Variants in TMEM131 observed in about 807,000 individuals in gnomAD.
TMEM131 encodes 2610524E03Rik.
A neutral mutation model predicts 211.6 loss-of-function variants in TMEM131; 66 were observed. That is an observed-to-expected ratio of 0.31 (90% CI 0.26 to 0.38). The LOEUF is 0.38. Among genes scored for constraint, TMEM131 ranks in the 10% least tolerant of loss-of-function variants. The pLI is 1.00. For synonymous variants in TMEM131, 844 were observed against 841.3 expected (o/e 1.00, Z -0.06); for missense variants, 2,036 against 2,299.3 (o/e 0.89, Z 2.34).
Position 97,782,314 on chromosome 2 carries a change from C to A in TMEM131, c.4145-6296G>T, listed in dbSNP as rs529844746. Among the ~76,000 whole-genome samples the A allele has an allele frequency of 2.6e-5, 4 of 152,340 alleles. No homozygotes were observed. In the East Asian group the frequency reaches 7.7e-4, roughly 29 times the overall value. On this transcript the variant is annotated intron_variant, in intron 31 of 40. Coordinates refer to ENST00000186436, the MANE Select transcript of TMEM131 (RefSeq NM_015348.2). ...CAGGAAACCAGCACTTCTAACTCCACCTGGCAATAAAAAGGTGGCACAACC... is the reference window on the plus strand; with the variant it reads ...CAGGAAACCAGCACTTCTAACTCCAACTGGCAATAAAAAGGTGGCACAACC...
chr2:97,940,763 C>T (rs554854680), intron 1 of TMEM131, among the ~76,000 whole-genome samples: 15 of 149,206 alleles, frequency 1.0e-4, no homozygotes, highest in African/African-American at 2.7e-4. Context: ...GAGCCAAGAT[C>T]GTGGCACTGC....
At chr2:97,926,655 C>T (rs904419439) in intron 2 of TMEM131, among the ~76,000 whole-genome samples, 1 of 152,176 alleles carries the variant, frequency 6.6e-6, no homozygotes, top group African/African-American at 2.4e-5. Context: ...ACCCAAGCTC[C>T]TGTCCAAGCA....
chr2:97,915,223 C>T (rs1676461738), intron 2 of TMEM131, among the ~76,000 whole-genome samples: 1 of 152,140 alleles, frequency 6.6e-6, no homozygotes, highest in African/African-American at 2.4e-5. Flanking sequence ...TTCTATATTC[C>T]AGAAACTAGG....
intron 1 of TMEM131, among the ~76,000 whole-genome samples, chr2:97,942,224 G>A (rs1677765371): frequency 2.7e-5 from 4 of 150,294 alleles, no homozygotes; most frequent in Admixed American, 6.7e-5. Flanking sequence ...CTATCACAAG[G>A]ACAGAAAACC....
intron 4 of TMEM131, among the ~76,000 whole-genome samples, chr2:97,866,287 C>T (rs1045824714): frequency 2.6e-5 from 4 of 152,200 alleles, no homozygotes; most frequent in South Asian, 2.1e-4. Context: ...TGGGTCTTTC[C>T]GGAAATCTGT....
intron 2 of TMEM131, among the ~76,000 whole-genome samples, chr2:97,922,557 T>G (rs1010980708): frequency 6.6e-6 from 1 of 151,996 alleles, no homozygotes; most frequent in Non-Finnish European, 1.5e-5. Context: ...GTAACTACAG[T>G]TACACTCAAC....
intron 11 of TMEM131, chr2:97,827,132 G>A (rs1363067628): frequency 2.1e-6 from 1 of 477,726 alleles, no homozygotes; most frequent in Non-Finnish European, 3.8e-6. Flanking sequence ...ACAAAAGTTT[G>A]CTAAAAGTTA....
intron 2 of TMEM131, among the ~76,000 whole-genome samples, chr2:97,911,227 A>G (rs1676278849): frequency 6.6e-6 from 1 of 152,208 alleles, no homozygotes; most frequent in African/African-American, 2.4e-5. Flanking sequence ...CCATTTATAT[A>G]AAGTGTTTTA....
chr2:97,760,816 G>A lies in TMEM131; in HGVS notation c.4988C>T (p.Thr1663Met), dbSNP rs747091218. ...ACCTGGGCTCTTGTCGTAGCCAGCC[G>A]TGACTGCAGCAAAAGTGGGGTTGCC... is the stretch of plus-strand genomic sequence containing the variant. The part of the protein sequence containing the change: ...KNGNPTFAAV[T>M]AGYDKSPGGN... Residue 1663 changes from threonine to methionine, a missense_variant, in exon 37 of 41, where the codon ACG (threonine) becomes ATG (methionine). Thr to Met is a moderately conservative substitution (Grantham distance 81). This residue lies in a region of TMEM131 where 1,623 missense variants were observed against 1,805.9 expected (regional missense o/e 0.90). Transcript: ENST00000186436. 9 of 1,613,948 alleles carry A rather than the reference G, an allele frequency of 5.6e-6. No individual in the cohort carries two copies. The highest frequency in any genetic ancestry group is 5.0e-5 in the Admixed American group (3 of 60,012).
chr2:97,857,832 T>C (rs1035803293), intron 5 of TMEM131, among the ~76,000 whole-genome samples: 1 of 152,224 alleles, frequency 6.6e-6, no homozygotes, highest in African/African-American at 2.4e-5. Context: ...CACAGGTCTC[T>C]CACAGCATTA....
At chr2:97,801,207 T>C (rs972589304) in intron 25 of TMEM131, among the ~76,000 whole-genome samples, 1 of 152,182 alleles carries the variant, frequency 6.6e-6, no homozygotes, top group African/African-American at 2.4e-5. Context: ...GAGAACCAGA[T>C]TTGAATTTGG....
At chr2:97,978,303 G>A (rs1401771791) in intron 1 of TMEM131, among the ~76,000 whole-genome samples, 1 of 152,094 alleles carries the variant, frequency 6.6e-6, no homozygotes, top group Non-Finnish European at 1.5e-5. Flanking sequence ...TTTCAACAAT[G>A]TTCACAGCAT....
In TMEM131 at chr2:97,772,424, C is replaced by T. The variant is rs1679511100; in HGVS notation, c.4321G>A (p.Asp1441Asn). ...NPDTEPLLKE[D>N]TEKQKGKQAM... ...TGTTTTCCCTTTTGCTTTTCTGTAT[C>T]CTGTAAAAAATGGACACTTAATTGC... Residue 1441 changes from aspartate (D) to asparagine (N), a missense_variant and splice_region_variant, in exon 33 of 41, where the codon GAT (aspartate) becomes AAT (asparagine). Physicochemically the swap from Asp to Asn is conservative, Grantham distance 23. Coordinates refer to ENST00000186436, the MANE Select transcript of TMEM131 (RefSeq NM_015348.2). The T allele has an allele frequency of 6.2e-7, 1 of 1,610,062 alleles. No individual in the cohort carries two copies. The highest frequency in any genetic ancestry group is 1.1e-5 in the South Asian group (1 of 89,762).
chr2:97,903,601 C>A, intron 3 of TMEM131, among the ~76,000 whole-genome samples: 1 of 152,130 alleles, frequency 6.6e-6, no homozygotes. Flanking sequence ...GGGAGAGACA[C>A]AAACTTCAGT....
Position 97,995,830 on chromosome 2 carries a change from G to C in TMEM131, c.-168C>G. 6.5e-6 allele frequency: 2 copies of C among 308,432 alleles called. No homozygotes were observed. Among genetic ancestry groups the C allele is most frequent in the Non-Finnish European group, 1.1e-5 (2 of 181,454 alleles). 19.1% of individuals were successfully genotyped at this position (308,432 alleles called of 1,614,324 possible). Reference sequence around the variant, plus strand: ...CGTGGGCCTGGGTCCGTGCGTGCGTGTGAGCGAGAGTGTCAGTCACGGTCT... The same window carrying C: ...CGTGGGCCTGGGTCCGTGCGTGCGTCTGAGCGAGAGTGTCAGTCACGGTCT... On this transcript the variant is annotated 5_prime_UTR_variant, in exon 1 of 41. Transcript: ENST00000186436.
chr2:97,960,101 T>C (rs1678751602), intron 1 of TMEM131, among the ~76,000 whole-genome samples: 1 of 152,352 alleles, frequency 6.6e-6, no homozygotes, highest in East Asian at 1.9e-4. Context: ...TTGCTTAATG[T>C]AGTATCCACC....
chr2:97,925,439 G>C (rs1322070344), intron 2 of TMEM131, among the ~76,000 whole-genome samples: 2 of 152,148 alleles, frequency 1.3e-5, no homozygotes, highest in Non-Finnish European at 2.9e-5. Flanking sequence ...GGAACGGTCT[G>C]ATCTTTACGT....
intron 5 of TMEM131, among the ~76,000 whole-genome samples, chr2:97,845,364 C>T (rs1683376375): frequency 6.6e-6 from 1 of 151,984 alleles, no homozygotes; most frequent in South Asian, 2.1e-4. Context: ...TGCACGGGAG[C>T]ACAAAAGCCC....
Position 97,812,442 on chromosome 2 carries a change from G to C in TMEM131, c.1842C>G (p.Ser614=). The change falls in exon 17 of 41, where the codon TCC becomes TCG. Residue 614 remains serine, a synonymous_variant. Coordinates refer to ENST00000186436, the MANE Select transcript of TMEM131 (RefSeq NM_015348.2). ...IISSLPEFEK[S]SLSDQSSVTL... ...TTACCGATGATTGATCTGATAAAGA[G>C]GATTTTTCAAACTCTGGCAGGCTTG... 1 of 1,609,438 alleles carries C rather than the reference G, an allele frequency of 6.2e-7. No individual in the cohort carries two copies. Among genetic ancestry groups the C allele is most frequent in the Non-Finnish European group, 8.5e-7 (1 of 1,178,756 alleles).
Sources: gnomAD v4.1 joint callset for allele counts (sites outside exome capture counted in the v4.1 genomes callset) on GRCh38, gnomAD v4.1.1 for gene constraint, gnomAD v4.1.1 regional missense constraint, MANE v1.5 for transcripts, NCBI Gene and HGNC (gene_info 2026-07-23, HGNC 2026-07-21) for gene names.